CXCL13: variants seen among roughly 807,000 people sequenced by gnomAD.
The protein encoded by CXCL13 is C-X-C motif chemokine ligand 13.
Under a neutral mutation model 12.2 loss-of-function variants are expected in CXCL13, and 7 were observed. The ratio of observed to expected loss-of-function variants is 0.57; its 90% CI spans 0.33 to 1.07. The LOEUF (loss-of-function observed/expected upper bound fraction) is 1.07, where lower values mean the gene tolerates loss of function less well. Among genes scored for constraint, CXCL13 ranks in the 50% least tolerant of loss-of-function variants. The pLI, the probability that CXCL13 is intolerant of heterozygous loss-of-function variation, is 0.04. For missense variants in CXCL13, 113 were observed against 127.4 expected (o/e 0.89, Z 0.55); for synonymous variants, 47 against 42.4 (o/e 1.11, Z -0.42).
At chr4:77,531,281 C>T (rs1490049845) in intron 1 of CXCL13, among the ~76,000 whole-genome samples, 1 of 109,168 alleles carries the variant, frequency 9.2e-6, no homozygotes, top group Non-Finnish European at 1.8e-5. Flanking sequence ...CCCCTCCCCC[C>T]ACCCCACTAC....
At chr4:77,594,333 G>A (rs1245171154) in intron 1 of CXCL13, among the ~76,000 whole-genome samples, 1 of 152,130 alleles carries the variant, frequency 6.6e-6, no homozygotes, top group African/African-American at 2.4e-5. Flanking sequence ...CTCAAGCCCA[G>A]GGCAAAGGTC....
intron 1 of CXCL13, among the ~76,000 whole-genome samples, chr4:77,521,402 TTGGTC>T: frequency 6.6e-6 from 1 of 152,196 alleles, no homozygotes; most frequent in African/African-American, 2.4e-5. Flanking sequence ...GAGACTGTTA[TTGGTC>T]TATTCAGAGA....
chr4:77,602,497 A>G (rs1726901839), upstream of CXCL13, among the ~76,000 whole-genome samples: 1 of 152,240 alleles, frequency 6.6e-6, no homozygotes, highest in African/African-American at 2.4e-5. Flanking sequence ...CGTTGAATGC[A>G]GGACCTGAGA....
chr4:77,533,376 C>T (rs1287079306), intron 1 of CXCL13, among the ~76,000 whole-genome samples: 2 of 152,182 alleles, frequency 1.3e-5, no homozygotes, highest in African/African-American at 4.8e-5. Context: ...GATGTTGCTG[C>T]CTGATCGTTC....
chr4:77,602,470 A>G (rs78518378), upstream of CXCL13, among the ~76,000 whole-genome samples: 649 of 152,298 alleles, frequency 4.3e-3, 6 homozygotes, highest in African/African-American at 0.015. Context: ...CCATGCATTC[A>G]AACCACCTGA....
At chr4:77,533,655 G>T (rs774080158) in intron 1 of CXCL13, among the ~76,000 whole-genome samples, 30 of 152,170 alleles carry the variant, frequency 2.0e-4, no homozygotes, top group Non-Finnish European at 3.2e-4. Context: ...CGGTAGGCAG[G>T]CCTCCTTGAG....
At chr4:77,553,989 A>T (rs1018123682) in intron 1 of CXCL13, among the ~76,000 whole-genome samples, 6 of 152,182 alleles carry the variant, frequency 3.9e-5, no homozygotes, top group Non-Finnish European at 7.3e-5. Flanking sequence ...GAGATGATAG[A>T]AATGTTCATT....
intron 1 of CXCL13, among the ~76,000 whole-genome samples, chr4:77,562,288 C>T (rs3098851): frequency 0.25 from 37,030 of 151,130 alleles, 4,680 homozygotes; most frequent in East Asian, 0.36. Context: ...TGCTCTGCTG[C>T]GCTGGGTCCC....
chr4:77,602,617 A>T (rs552855439), upstream of CXCL13, among the ~76,000 whole-genome samples: 15 of 152,160 alleles, frequency 9.9e-5, no homozygotes, highest in African/African-American at 3.6e-4. Context: ...CTGGAAAGAA[A>T]ATCTGATTCG....
chr4:77,525,616 T>C (rs1166899471), intron 1 of CXCL13, among the ~76,000 whole-genome samples: 2 of 145,688 alleles, frequency 1.4e-5, no homozygotes, highest in African/African-American at 2.6e-5. Context: ...CAGTTGAGTC[T>C]TTTTTTTTTA....
At chr4:77,562,680 C>T in intron 1 of CXCL13, among the ~76,000 whole-genome samples, 1 of 142,830 alleles carries the variant, frequency 7.0e-6, no homozygotes, top group South Asian at 2.1e-4. Context: ...TTATGTCTAG[C>T]TAAAGGATTG....
chr4:77,548,966 G>A (rs988556321), intron 1 of CXCL13, among the ~76,000 whole-genome samples: 1 of 152,170 alleles, frequency 6.6e-6, no homozygotes, highest in Non-Finnish European at 1.5e-5. Context: ...TCACTTTCAG[G>A]TATACCAATC....
chr4:77,609,829 A>C (rs1178335104), intron 2 of CXCL13, among the ~76,000 whole-genome samples: 3 of 152,198 alleles, frequency 2.0e-5, no homozygotes, highest in Admixed American at 6.5e-5. Flanking sequence ...GAGTCAGATA[A>C]TCTTCATTTG....
At chr4:77,561,460 A>T (rs1725811313) in intron 1 of CXCL13, among the ~76,000 whole-genome samples, 1 of 152,256 alleles carries the variant, frequency 6.6e-6, no homozygotes, top group Non-Finnish European at 1.5e-5. Context: ...TTATCCCAAC[A>T]GTCCTGAAGG....
chr4:77,531,187 A>G (rs1724907738), intron 1 of CXCL13, among the ~76,000 whole-genome samples: 1 of 150,272 alleles, frequency 6.7e-6, no homozygotes, highest in African/African-American at 2.5e-5. Flanking sequence ...GGTTTGTTAC[A>G]TATGTATACA....
chr4:77,513,337 G>T (rs1724318721), intron 1 of CXCL13, among the ~76,000 whole-genome samples: 1 of 152,086 alleles, frequency 6.6e-6, no homozygotes, highest in Non-Finnish European at 1.5e-5. Context: ...TCTAGTTCTA[G>T]ATTCTTGAGG....
intron 1 of CXCL13, among the ~76,000 whole-genome samples, chr4:77,565,703 T>C (rs1035831529): frequency 6.6e-6 from 1 of 152,134 alleles, no homozygotes; most frequent in African/African-American, 2.4e-5. Context: ...GGACTCACCG[T>C]CTAGTAGTAA....
At chr4:77,599,262 T>C (rs959547121) in intron 1 of CXCL13, among the ~76,000 whole-genome samples, 11 of 152,316 alleles carry the variant, frequency 7.2e-5, no homozygotes, top group African/African-American at 1.7e-4. Flanking sequence ...CCAGAATCTA[T>C]AGATGCTCAA....
At chr4:77,527,841 C>T (rs1724805569) in intron 1 of CXCL13, among the ~76,000 whole-genome samples, 1 of 151,978 alleles carries the variant, frequency 6.6e-6, no homozygotes, top group African/African-American at 2.4e-5. Flanking sequence ...AGGTTAGTTA[C>T]ATATGTATAC....
Sources: gnomAD v4.1 joint callset for allele counts (sites outside exome capture counted in the v4.1 genomes callset) on GRCh38, gnomAD v4.1.1 for gene constraint, MANE v1.5 for transcripts, NCBI Gene and HGNC (gene_info 2026-07-23, HGNC 2026-07-21) for gene names.